The following KCNJ3 variants were observed in gnomAD, a reference collection of about 807,000 sequenced individuals.
KCNJ3 encodes the protein G protein-activated inward rectifier potassium channel 1.
A neutral mutation model predicts 39.2 loss-of-function variants in KCNJ3; 4 were observed. That is an observed-to-expected ratio of 0.10 (90% CI 0.05 to 0.23). KCNJ3 has a LOEUF of 0.23. Ranked by LOEUF, KCNJ3 falls within the 10% of genes least tolerant of loss-of-function variation. The probability of loss-of-function intolerance (pLI) is 1.00; values close to 1 mark genes in which losing one functional copy is unlikely to be tolerated. For missense variants in KCNJ3, 276 were observed against 634.9 expected, an observed-to-expected ratio of 0.43 and a Z score of 6.08; for synonymous variants, 230 against 237.4, an observed-to-expected ratio of 0.97 and a Z score of 0.29.
chr2:154,823,434 T>C (rs1452708278), intron 2 of KCNJ3, among the ~76,000 whole-genome samples: 1 of 150,844 alleles, frequency 6.6e-6, no homozygotes, highest in Non-Finnish European at 1.5e-5. Context: ...ATCGAGTCAA[T>C]GACTAAAGTC....
chr2:154,735,327 G>A (rs907575864), intron 2 of KCNJ3, among the ~76,000 whole-genome samples: 4 of 151,202 alleles, frequency 2.6e-5, no homozygotes, highest in African/African-American at 7.3e-5. Context: ...CGTTAGCCAG[G>A]ATGGTCTGGA....
chr2:154,751,269 T>C (rs779088382), intron 2 of KCNJ3, among the ~76,000 whole-genome samples: 6 of 152,212 alleles, frequency 3.9e-5, no homozygotes, highest in Non-Finnish European at 7.4e-5. Flanking sequence ...CTATACATTT[T>C]CTTCTAAGTT....
intron 2 of KCNJ3, among the ~76,000 whole-genome samples, chr2:154,801,369 T>C (rs938217092): frequency 2.0e-5 from 3 of 152,138 alleles, no homozygotes; most frequent in African/African-American, 7.2e-5. Context: ...TGTTTCCTAA[T>C]CTTTGAAAGA....
rs116635084 is a variant in KCNJ3, at chr2:154,810,284, G to A, written c.920-44443G>A. On this transcript the variant is annotated intron_variant, in intron 2 of 2. Coordinates refer to ENST00000295101, the MANE Select transcript of KCNJ3 (RefSeq NM_002239.4). ...TTTTTTGTGGAGATGGGATTTCACC[G>A]TGTTGTCCAGGCTAGTCTTGAACTC... Among the ~76,000 whole-genome samples, 314 of 152,044 alleles carry A rather than the reference G, an allele frequency of 2.1e-3. 3 individuals carry two copies. The highest frequency in any genetic ancestry group is 7.3e-3 in the African/African-American group (302 of 41,484).
chr2:154,741,175 G>A (rs185593358), intron 2 of KCNJ3, among the ~76,000 whole-genome samples: 15 of 151,812 alleles, frequency 9.9e-5, no homozygotes, highest in African/African-American at 2.4e-4. Context: ...CTATTATTAC[G>A]TTTTACATTA....
chr2:154,798,299 G>T (rs1291934630), intron 2 of KCNJ3, among the ~76,000 whole-genome samples: 6 of 151,728 alleles, frequency 4.0e-5, no homozygotes, highest in African/African-American at 1.5e-4. Context: ...AAACTTAAAA[G>T]ATTCCTAGAC....
chr2:154,733,395 A>AT (rs1685476693), intron 2 of KCNJ3, among the ~76,000 whole-genome samples: 1 of 152,108 alleles, frequency 6.6e-6, no homozygotes, highest in South Asian at 2.1e-4. Context: ...CTTTGTTTCC[A>AT]TTTTGCCTTG....
intron 2 of KCNJ3, among the ~76,000 whole-genome samples, chr2:154,796,920 C>T (rs1341697620): frequency 3.9e-5 from 6 of 152,092 alleles, no homozygotes; most frequent in African/African-American, 1.4e-4. Flanking sequence ...GTTGAGCCAG[C>T]CCATTTTATT....
intron 2 of KCNJ3, among the ~76,000 whole-genome samples, chr2:154,772,764 C>T (rs1686264162): frequency 6.6e-6 from 1 of 151,740 alleles, no homozygotes; most frequent in East Asian, 1.9e-4. Context: ...TTTCAGAGAC[C>T]ATTTCTTGTA....
intron 1 of KCNJ3, among the ~76,000 whole-genome samples, chr2:154,701,088 T>C (rs2105144378): frequency 6.6e-6 from 1 of 152,306 alleles, no homozygotes; most frequent in South Asian, 2.1e-4. Context: ...AGCTGGGCAG[T>C]TGTGTTGTAG....
chr2:154,843,416 TG>T (rs1263619262), intron 2 of KCNJ3, among the ~76,000 whole-genome samples: 2 of 152,174 alleles, frequency 1.3e-5, no homozygotes, highest in Admixed American at 6.5e-5. Context: ...TTATGTGTCT[TG>T]GGGTTGCTCT....
intron 2 of KCNJ3, among the ~76,000 whole-genome samples, chr2:154,845,103 T>C (rs1413916262): frequency 1.3e-5 from 2 of 152,196 alleles, no homozygotes; most frequent in Non-Finnish European, 2.9e-5. Flanking sequence ...GCTAGAAATT[T>C]ATTCTATTTT....
chr2:154,790,608 C>T (rs932637164), intron 2 of KCNJ3, among the ~76,000 whole-genome samples: 33 of 152,204 alleles, frequency 2.2e-4, no homozygotes, highest in African/African-American at 7.9e-4. Context: ...AGAAGGTTAT[C>T]GCCCCCACAA....
At chr2:154,704,479 G>A (rs551571801) in intron 1 of KCNJ3, among the ~76,000 whole-genome samples, 31 of 152,206 alleles carry the variant, frequency 2.0e-4, no homozygotes, top group African/African-American at 4.8e-4. Context: ...ATTACATTGC[G>A]TTCTGTAAGA....
intron 2 of KCNJ3, among the ~76,000 whole-genome samples, chr2:154,777,457 A>G (rs1055487930): frequency 3.9e-5 from 6 of 152,220 alleles, no homozygotes; most frequent in South Asian, 4.1e-4. Flanking sequence ...AAACAGTCCT[A>G]TGAAATTTAT....
intron 2 of KCNJ3, among the ~76,000 whole-genome samples, chr2:154,747,502 G>A (rs992140723): frequency 6.6e-6 from 1 of 151,954 alleles, no homozygotes; most frequent in Non-Finnish European, 1.5e-5. Context: ...AAGGAAGAGT[G>A]ATACTAATCT....
In KCNJ3 at chr2:154,727,162, TA is replaced by T. The variant is rs1293715945; in HGVS notation, c.919+17349del. ...ACCACTGTTCAAAAACGTATGGAAATAAAAAACAAAAATTTAAAAAACTTCT... is the reference window on the plus strand; with the variant it reads ...ACCACTGTTCAAAAACGTATGGAAATAAAAACAAAAATTTAAAAAACTTCT... On this transcript the variant is annotated intron_variant, in intron 2 of 2. Coordinates refer to ENST00000295101, the MANE Select transcript of KCNJ3 (RefSeq NM_002239.4). Among the ~76,000 whole-genome samples the T allele has an allele frequency of 2.0e-5, 3 of 152,108 alleles. No homozygotes were observed. The South Asian group carries it at 6.2e-4, about 31-fold the overall frequency.
At chr2:154,830,896 A>C (rs1308018330) in intron 2 of KCNJ3, among the ~76,000 whole-genome samples, 1 of 152,228 alleles carries the variant, frequency 6.6e-6, no homozygotes, top group Non-Finnish European at 1.5e-5. Flanking sequence ...TCTTACAAGA[A>C]GTACAAGTAA....
intron 2 of KCNJ3, among the ~76,000 whole-genome samples, chr2:154,802,938 C>A (rs186896249): frequency 1.3e-3 from 201 of 152,016 alleles, no homozygotes; most frequent in African/African-American, 4.5e-3. Context: ...TTGCAATTAA[C>A]CTACCCACTT....
Sources: gnomAD v4.1 joint callset for allele counts (sites outside exome capture counted in the v4.1 genomes callset) on GRCh38, gnomAD v4.1.1 for gene constraint, MANE v1.5 for transcripts, NCBI Gene and HGNC (gene_info 2026-07-23, HGNC 2026-07-21) for gene names.